DLG2: variants seen among roughly 807,000 people sequenced by gnomAD.
DLG2 encodes disks large homolog 2.
A neutral mutation model predicts 132.5 loss-of-function variants in DLG2; 45 were observed. That is an observed-to-expected ratio of 0.34 (90% CI 0.27 to 0.44). The LOEUF is 0.44. Ranked by LOEUF, DLG2 falls within the 20% of genes least tolerant of loss-of-function variation. DLG2 has a pLI of 1.00. For synonymous variants in DLG2, 424 were observed against 419.6 expected (o/e 1.01, Z -0.13); for missense variants, 1,045 against 1,196.9 (o/e 0.87, Z 1.87).
At chr11:83,817,572 A>G (rs76828808) in intron 17 of DLG2, among the ~76,000 whole-genome samples, 1 of 152,118 alleles carries the variant, frequency 6.6e-6, no homozygotes, top group South Asian at 2.1e-4. Context: ...TAAAACTTTT[A>G]TTATTTAAAG....
At chr11:85,189,595 G>A (rs368263051) in intron 4 of DLG2, among the ~76,000 whole-genome samples, 2 of 152,140 alleles carry the variant, frequency 1.3e-5, no homozygotes, top group African/African-American at 4.8e-5. Flanking sequence ...AGATGTGGTT[G>A]GAGAAGGTGA....
At chr11:84,357,946 G>A (rs772104419) in intron 7 of DLG2, among the ~76,000 whole-genome samples, 39 of 150,924 alleles carry the variant, frequency 2.6e-4, no homozygotes, top group Non-Finnish European at 3.0e-5. Context: ...TTAAAACATT[G>A]GTATATATAC....
intron 4 of DLG2, among the ~76,000 whole-genome samples, chr11:85,245,781 T>C (rs1262515011): frequency 6.6e-6 from 1 of 151,978 alleles, no homozygotes; most frequent in African/African-American, 2.4e-5. Flanking sequence ...TACACTATAC[T>C]TAATACACTC....
chr11:84,387,638 C>T (rs2098776157), intron 7 of DLG2, among the ~76,000 whole-genome samples: 1 of 152,028 alleles, frequency 6.6e-6, no homozygotes, highest in African/African-American at 2.4e-5. Flanking sequence ...GTACAGTACC[C>T]AAATGCCACA....
At chr11:84,222,041 AT>A (rs978818312) in intron 8 of DLG2, among the ~76,000 whole-genome samples, 1 of 151,174 alleles carries the variant, frequency 6.6e-6, no homozygotes, top group Non-Finnish European at 1.5e-5. Flanking sequence ...TATTTTTTTT[AT>A]TTTTTTTTAA....
chr11:84,326,516 C>G (rs991824482), intron 7 of DLG2, among the ~76,000 whole-genome samples: 1 of 152,122 alleles, frequency 6.6e-6, no homozygotes, highest in Non-Finnish European at 1.5e-5. Flanking sequence ...TTAATTTCCT[C>G]ATGTGTAAAT....
chr11:84,230,233 CAACCTACTAGGAGCCCCACAGCATCATT>C (rs1373053425), intron 8 of DLG2, among the ~76,000 whole-genome samples: 1 of 152,174 alleles, frequency 6.6e-6, no homozygotes, highest in Non-Finnish European at 1.5e-5. Flanking sequence ...AACTAAGATA[CAACCTACTAGGAGCCCCACAGCATCATT>C]AGTAGTTTGT....
chr11:85,494,804 T>C lies in DLG2; in HGVS notation c.40+103853A>G, dbSNP rs78515475. 2.6e-5 allele frequency among the ~76,000 whole-genome samples: 4 copies of C among 151,882 alleles called. No individual in the cohort carries two copies. In the East Asian group the frequency reaches 7.7e-4, roughly 29 times the overall value. On this transcript the variant is annotated intron_variant, in intron 3 of 27. Transcript: ENST00000376104. ...AATTATGAAGCTCTTCAAAGAAACATAGAAGATATAATTAAATAACATTAG... is the reference window on the plus strand; with the variant it reads ...AATTATGAAGCTCTTCAAAGAAACACAGAAGATATAATTAAATAACATTAG...
intron 6 of DLG2, among the ~76,000 whole-genome samples, chr11:84,670,001 C>T (rs2099703994): frequency 6.6e-6 from 1 of 152,120 alleles, no homozygotes; most frequent in South Asian, 2.1e-4. Context: ...GTAGAAAGAA[C>T]CAGAAGAAGT....
intron 7 of DLG2, among the ~76,000 whole-genome samples, chr11:84,495,724 T>G (rs2099180972): frequency 6.6e-6 from 1 of 152,204 alleles, no homozygotes; most frequent in South Asian, 2.1e-4. Context: ...ATATGAACAC[T>G]GGGCAGAAAT....
In DLG2 at chr11:84,116,376, A is replaced by C. The variant is rs537472609; in HGVS notation, c.625-17329T>G. ...TTTGTTAGTCCATTCTCAAGTGGCT[A>C]ATAAAGACATATCTGAGACTGGGTA... On this transcript the variant is annotated intron_variant, in intron 9 of 27. Transcript: ENST00000376104. Among the ~76,000 whole-genome samples the C allele has an allele frequency of 3.3e-5, 5 of 152,352 alleles. No homozygotes were observed. In the South Asian group the frequency reaches 1.0e-3, roughly 32 times the overall value.
At chr11:83,688,609 G>T (rs1167157199) in intron 18 of DLG2, among the ~76,000 whole-genome samples, 1 of 152,068 alleles carries the variant, frequency 6.6e-6, no homozygotes, top group Non-Finnish European at 1.5e-5. Context: ...CTATTTTTAT[G>T]AATTCGTGTT....
chr11:83,904,228 C>A (rs545427120), intron 15 of DLG2, among the ~76,000 whole-genome samples: 4 of 152,136 alleles, frequency 2.6e-5, no homozygotes, highest in Non-Finnish European at 4.4e-5. Context: ...TCATGCTTCA[C>A]AAAATGGCAC....
At chr11:84,623,255 G>A (rs774544509) in intron 6 of DLG2, among the ~76,000 whole-genome samples, 16 of 151,630 alleles carry the variant, frequency 1.1e-4, no homozygotes, top group African/African-American at 2.9e-4. Flanking sequence ...GATAATCAAC[G>A]TAATGACCCC....
At chr11:84,316,265 C>A (rs1163319068) in intron 7 of DLG2, among the ~76,000 whole-genome samples, 1 of 152,100 alleles carries the variant, frequency 6.6e-6, no homozygotes, top group Non-Finnish European at 1.5e-5. Context: ...GTTTAACCAT[C>A]CTCTGTTTTG....
intron 8 of DLG2, among the ~76,000 whole-genome samples, chr11:84,241,568 T>C (rs896358396): frequency 1.3e-5 from 2 of 151,928 alleles, no homozygotes; most frequent in African/African-American, 2.4e-5. Flanking sequence ...TAGGAAACAA[T>C]GTGTTTAAAG....
intron 12 of DLG2, among the ~76,000 whole-genome samples, chr11:83,976,426 A>C (rs185737082): frequency 6.6e-6 from 1 of 152,024 alleles, no homozygotes; most frequent in East Asian, 1.9e-4. Context: ...ATAGAATCTA[A>C]ATCATTTGTC....
chr11:85,589,356 G>A (rs986849543), intron 3 of DLG2, among the ~76,000 whole-genome samples: 5 of 152,154 alleles, frequency 3.3e-5, no homozygotes, highest in South Asian at 2.1e-4. Flanking sequence ...GAAGAGGGGG[G>A]ATATAAGCTT....
At chr11:83,670,267 C>T (rs1160904005) in intron 18 of DLG2, among the ~76,000 whole-genome samples, 2 of 152,040 alleles carry the variant, frequency 1.3e-5, no homozygotes, top group African/African-American at 4.8e-5. Flanking sequence ...AGAGTGGATG[C>T]TTGTGGTGGT....
Sources: allele counts gnomAD v4.1 joint callset (sites outside exome capture counted in the v4.1 genomes callset), GRCh38; gene constraint gnomAD v4.1.1; transcripts MANE v1.5; gene names NCBI Gene and HGNC (gene_info 2026-07-23, HGNC 2026-07-21).